The following AKAP5 variants were observed in gnomAD, a reference collection of about 807,000 sequenced individuals.
The protein encoded by AKAP5 is A-kinase anchoring protein 5, also known as A-kinase anchor protein 5.
In AKAP5, 5 loss-of-function variants were observed where a neutral mutation model predicts 13.8. The ratio of observed to expected loss-of-function variants is 0.36; its 90% CI spans 0.19 to 0.76. AKAP5 has a LOEUF of 0.76. AKAP5 is among the 30% of genes least tolerant of loss of function. The pLI, the probability that AKAP5 is intolerant of heterozygous loss-of-function variation, is 0.51. For synonymous variants in AKAP5, 148 were observed against 167.2 expected (o/e 0.89, Z 0.89); for missense variants, 406 against 484.4 (o/e 0.84, Z 1.52).
At chr14:64,466,784 G>T (rs1566586106) in intron 1 of AKAP5, among the ~76,000 whole-genome samples, 1 of 152,138 alleles carries the variant, frequency 6.6e-6, no homozygotes, top group Non-Finnish European at 1.5e-5. Context: ...TATAAAGAAT[G>T]AGTCCCTTTG....
chr14:64,469,525 T>A lies in AKAP5; in HGVS notation c.1131T>A (p.Asp377Glu), dbSNP rs1320295002. ...AGCAAGTAGGGGTTTTTGCTAATGA[T>A]AATGGTTTTGAGGATAGAACTTCAG... ...ENEQVGVFAN[D>E]NGFEDRTSEQ... The change falls in exon 2 of 2, where the codon GAT (aspartate) becomes GAA (glutamate). Residue 377 changes from aspartate to glutamate, a missense_variant. Physicochemically the swap from Asp to Glu is conservative, Grantham distance 45. Coordinates refer to ENST00000394718, the MANE Select transcript of AKAP5 (RefSeq NM_004857.3). 6.2e-7 allele frequency: 1 copy of A among 1,613,788 alleles called. No homozygotes were observed.
At chr14:64,467,489 G>A (rs1381661147) in intron 1 of AKAP5, 1 of 152,214 alleles carries the variant, frequency 6.6e-6, no homozygotes, top group African/African-American at 2.4e-5. Context: ...TAATTTAAGA[G>A]TGGGAAATGA....
rs75876815 is a variant in AKAP5 at position 64,471,578 on chromosome 14, T to A, written c.*1900T>A. Reference sequence around the variant, plus strand: ...ATTGCCATATTTTTTGAAAAAGTAATCCTATTTCAATCTTTCCTTGTGTGA... The same window carrying A: ...ATTGCCATATTTTTTGAAAAAGTAAACCTATTTCAATCTTTCCTTGTGTGA... On this transcript the variant is annotated 3_prime_UTR_variant, in exon 2 of 2. Coordinates refer to ENST00000394718, the MANE Select transcript of AKAP5 (RefSeq NM_004857.3). 1.8e-4 allele frequency: 30 copies of A among 167,224 alleles called. 2 individuals are homozygous for A. The East Asian group carries it at 5.8e-3, about 32-fold the overall frequency. 10.4% of individuals were successfully genotyped at this position (167,224 alleles called of 1,614,324 possible).
Position 64,468,335 on chromosome 14 carries a change from C to A in AKAP5, c.-60C>A. ...GACATTTTTGCTCATCTTTTTGTCA[C>A]AAAAGGCTGCTAAGGAAGAGAGAAT... is the stretch of plus-strand genomic sequence containing the variant. On this transcript the variant is annotated 5_prime_UTR_variant, in exon 2 of 2. Coordinates refer to ENST00000394718, the MANE Select transcript of AKAP5 (RefSeq NM_004857.3). 4 of 1,465,700 alleles carry A rather than the reference C, an allele frequency of 2.7e-6. No individual in the cohort carries two copies. The highest frequency in any genetic ancestry group is 3.6e-4 in the Middle Eastern group (2 of 5,556). The allele number at this position is 1,465,700 out of a possible 1,614,324, so 90.8% of individuals were successfully genotyped here. A position where few individuals can be genotyped will look rare whatever the true frequency, so the allele number is the denominator to read the frequency against.
intron 1 of AKAP5, chr14:64,467,527 T>C (rs931963296): frequency 6.6e-6 from 1 of 152,138 alleles, no homozygotes; most frequent in South Asian, 2.1e-4. Context: ...CCTAAGAATA[T>C]GTATGAAAAA....
In AKAP5 at chr14:64,473,043, A is replaced by G. The variant is rs2078690989; in HGVS notation, c.*3365A>G. ...GGAGGGGGATTATTAGCTACTTGTT[A>G]ACTTTTTCAGCATATTATCATTCCT... On this transcript the variant is annotated 3_prime_UTR_variant, in exon 2 of 2. Coordinates refer to ENST00000394718, the MANE Select transcript of AKAP5 (RefSeq NM_004857.3). 6.0e-6 allele frequency: 1 copy of G among 167,038 alleles called. No homozygotes were observed. The highest frequency in any genetic ancestry group is 1.5e-5 in the Non-Finnish European group (1 of 68,110). The allele number at this position is 167,038 out of a possible 1,614,324, so 10.3% of individuals were successfully genotyped here. A position where few individuals can be genotyped will look rare whatever the true frequency, so the allele number is the denominator to read the frequency against.
chr14:64,469,391 A>C lies in AKAP5; in HGVS notation c.997A>C (p.Lys333Gln), dbSNP rs1318894882. ...AGAGAAATCCAAATCAGAAGAAAGC[A>C]AAAGAATGGAGCCAATTGCTATTAT... ...TEEKSKSEES[K>Q]RMEPIAIIIT... Residue 333 changes from lysine (K) to glutamine (Q), a missense_variant, in exon 2 of 2, where the codon AAA (lysine) becomes CAA (glutamine). Lys to Gln is a moderately conservative substitution (Grantham distance 53, BLOSUM62 1). Coordinates refer to ENST00000394718, the MANE Select transcript of AKAP5 (RefSeq NM_004857.3). 1 of 1,614,072 alleles carries C rather than the reference A, an allele frequency of 6.2e-7. No homozygotes were observed. The highest frequency in any genetic ancestry group is 1.1e-5 in the South Asian group (1 of 91,026).
In AKAP5 at chr14:64,471,592, T is replaced by G. The variant is rs140114120; in HGVS notation, c.*1914T>G. ...TGAAAAAGTAATCCTATTTCAATCT[T>G]TCCTTGTGTGAAATGGCCATAATAC... On this transcript the variant is annotated 3_prime_UTR_variant, in exon 2 of 2. Coordinates refer to ENST00000394718, the MANE Select transcript of AKAP5 (RefSeq NM_004857.3). 5.1e-4 allele frequency: 86 copies of G among 167,262 alleles called. 2 individuals carry two copies. The East Asian group carries it at 0.016, about 31-fold the overall frequency. 10.4% of individuals were successfully genotyped at this position (167,262 alleles called of 1,614,324 possible).
Position 64,472,714 on chromosome 14 carries a change from G to T in AKAP5, c.*3036G>T, listed in dbSNP as rs2078686927. The T allele has an allele frequency of 6.0e-6, 1 of 166,748 alleles. No homozygotes were observed. Among genetic ancestry groups the T allele is most frequent in the Non-Finnish European group, 1.5e-5 (1 of 68,088 alleles). 10.3% of individuals were successfully genotyped at this position (166,748 alleles called of 1,614,324 possible). ...AAATCCTATTACAGTGAATTCTAAGGTGATTCAAATTGTTTTATTGTTATA... is the reference window on the plus strand; with the variant it reads ...AAATCCTATTACAGTGAATTCTAAGTTGATTCAAATTGTTTTATTGTTATA... On this transcript the variant is annotated 3_prime_UTR_variant, in exon 2 of 2. Transcript: ENST00000394718.
chr14:64,466,728 T>C (rs1275306004), intron 1 of AKAP5, among the ~76,000 whole-genome samples: 1 of 152,232 alleles, frequency 6.6e-6, no homozygotes, highest in Non-Finnish European at 1.5e-5. Context: ...CATAAAATTA[T>C]GGGTTACCCA....
In AKAP5 at chr14:64,468,931, C is replaced by G; in HGVS notation, c.537C>G (p.Thr179=). The G allele has an allele frequency of 6.2e-7, 1 of 1,614,112 alleles. No individual in the cohort carries two copies. Among genetic ancestry groups the G allele is most frequent in the South Asian group, 1.1e-5 (1 of 91,072 alleles). Residue 179 remains threonine (T), a synonymous_variant, in exon 2 of 2, where the codon ACC becomes ACG. Coordinates refer to ENST00000394718, the MANE Select transcript of AKAP5 (RefSeq NM_004857.3). ...ATCAGGCAACAAAGGCTAAGTCAAC[C>G]CAGGATCTAAGTGAAGGCATCTCAC... ...LNDQATKAKS[T]QDLSEGISRK... is the part of the protein sequence containing the mutation.
chr14:64,466,920 C>T (rs1038505325), intron 1 of AKAP5, among the ~76,000 whole-genome samples: 1 of 152,262 alleles, frequency 6.6e-6, no homozygotes, highest in Admixed American at 6.5e-5. Context: ...TTTATATTAT[C>T]TAAGTTTGCC....
At position 64,469,196 on chromosome 14, in the gene AKAP5, T is replaced by C. The variant is rs1028816046; in HGVS notation, c.802T>C (p.Leu268=). ...QQPVLSDVPP[L]PAIPDQQIVE... is the part of the protein sequence containing the mutation. ...GCCAGTACTTTCTGATGTTCCTCCT[T>C]TACCTGCAATTCCAGATCAACAAAT... Residue 268 remains leucine, a synonymous_variant, in exon 2 of 2, where the codon TTA becomes CTA. Coordinates refer to ENST00000394718, the MANE Select transcript of AKAP5 (RefSeq NM_004857.3). 1.2e-6 allele frequency: 2 copies of C among 1,614,108 alleles called. No homozygotes were observed. The highest frequency in any genetic ancestry group is 1.7e-6 in the Non-Finnish European group (2 of 1,180,036).
Position 64,469,402 on chromosome 14 carries a change from G to A in AKAP5, c.1008G>A (p.Glu336=). The part of the protein sequence containing the change: ...KSKSEESKRM[E]PIAIIITDTE... ...AATCAGAAGAAAGCAAAAGAATGGA[G>A]CCAATTGCTATTATTATTACAGACA... The change falls in exon 2 of 2, where the codon GAG becomes GAA. Residue 336 remains glutamate (E), a synonymous_variant. Coordinates refer to ENST00000394718, the MANE Select transcript of AKAP5 (RefSeq NM_004857.3). 6.2e-7 allele frequency: 1 copy of A among 1,613,918 alleles called. No homozygotes were observed.
In AKAP5 at chr14:64,473,403, G is replaced by A. The variant is rs563992985; in HGVS notation, c.*3725G>A. The stretch of plus-strand genomic sequence containing the variant: ...GATCTTACTTGGTCTACTACTCAGC[G>A]GAGTCTTAGAATCTCTTTTATTTAC... On this transcript the variant is annotated 3_prime_UTR_variant, in exon 2 of 2. Transcript: ENST00000394718. The A allele has an allele frequency of 3.6e-5, 6 of 167,100 alleles. No individual in the cohort carries two copies. The highest frequency in any genetic ancestry group is 2.1e-4 in the South Asian group (1 of 4,820). 10.4% of individuals were successfully genotyped at this position (167,100 alleles called of 1,614,324 possible).
At position 64,468,929 on chromosome 14, in the gene AKAP5, A is replaced by C. The variant is rs1345883497; in HGVS notation, c.535A>C (p.Thr179Pro). 6.2e-7 allele frequency: 1 copy of C among 1,614,230 alleles called. No individual in the cohort carries two copies. The highest frequency in any genetic ancestry group is 2.2e-5 in the East Asian group (1 of 44,894). Residue 179 changes from threonine (T) to proline (P), a missense_variant, in exon 2 of 2, where the codon ACC becomes CCC. By Grantham distance (38) the Thr-to-Pro change is conservative (BLOSUM62 -1). Transcript: ENST00000394718. ...LNDQATKAKS[T>P]QDLSEGISRK... ...TGATCAGGCAACAAAGGCTAAGTCA[A>C]CCCAGGATCTAAGTGAAGGCATCTC...
In AKAP5 at chr14:64,472,751, A is replaced by G. The variant is rs1424069738; in HGVS notation, c.*3073A>G. 1.2e-5 allele frequency: 2 copies of G among 166,800 alleles called. No individual in the cohort carries two copies. The highest frequency in any genetic ancestry group is 2.9e-5 in the Non-Finnish European group (2 of 68,086). 10.3% of individuals were successfully genotyped at this position (166,800 alleles called of 1,614,324 possible). A position where few individuals can be genotyped will look rare whatever the true frequency, so the allele number is the denominator to read the frequency against. Reference sequence around the variant, plus strand: ...GTTTTATTGTTATAGAAATATGCAGAAATCAGATGGCTTCAGAGTCATAAA... The same window carrying G: ...GTTTTATTGTTATAGAAATATGCAGGAATCAGATGGCTTCAGAGTCATAAA... On this transcript the variant is annotated 3_prime_UTR_variant, in exon 2 of 2. Transcript: ENST00000394718.
In AKAP5 at chr14:64,468,754, G is replaced by A. The variant is rs1264462388; in HGVS notation, c.360G>A (p.Lys120=). The A allele has an allele frequency of 6.2e-7, 1 of 1,614,162 alleles. No individual in the cohort carries two copies. The change falls in exon 2 of 2, where the codon AAG becomes AAA. Residue 120 remains lysine, a synonymous_variant. Transcript: ENST00000394718. ...NAEDADLSKK[K]AKSRLKIPCI... The stretch of plus-strand genomic sequence containing the variant: ...AGGATGCTGATCTTTCTAAGAAAAA[G>A]GCAAAATCTAGACTTAAGATTCCCT...
chr14:64,465,800 G>A (rs979137483), intron 1 of AKAP5, among the ~76,000 whole-genome samples, 187 bp downstream of exon 1: 4 of 152,198 alleles, frequency 2.6e-5, no homozygotes, highest in African/African-American at 9.6e-5. Context: ...ACCCTCATCA[G>A]GTCTGCCCAC....
Sources: gnomAD v4.1 joint callset for allele counts (sites outside exome capture counted in the v4.1 genomes callset) on GRCh38, gnomAD v4.1.1 for gene constraint, MANE v1.5 for transcripts, NCBI Gene and HGNC (gene_info 2026-07-23, HGNC 2026-07-21) for gene names.